Variants in NNT observed in about 807,000 individuals in gnomAD.
NNT encodes the protein nicotinamide nucleotide transhydrogenase.
NNT carries 50 observed loss-of-function variants against 104.8 expected under a neutral mutation model. The ratio of observed to expected loss-of-function variants is 0.48; its 90% confidence interval spans 0.38 to 0.60. The LOEUF (loss-of-function observed/expected upper bound fraction) is 0.60. Ranked by LOEUF, NNT falls within the 20% of genes least tolerant of loss-of-function variation. NNT has a pLI of 0.00. For missense variants in NNT, 1,131 were observed against 1,330.7 expected, an observed-to-expected ratio of 0.85 and a Z score of 2.33; for synonymous variants, 461 against 490.4, an observed-to-expected ratio of 0.94 and a Z score of 0.79.
chr5:43,699,971 ACTG>A, intron 19 of NNT, 145 bp from the exon 20 acceptor site: 1 of 532,608 alleles, frequency 1.9e-6, no homozygotes, highest in South Asian at 3.9e-5. Flanking sequence ...TATCTGGACT[ACTG>A]CTGTTTCATT....
At chr5:43,697,943 C>T (rs948887874) in intron 19 of NNT, among the ~76,000 whole-genome samples, 20 of 151,958 alleles carry the variant, frequency 1.3e-4, no homozygotes, top group East Asian at 7.7e-4. Flanking sequence ...GAGATTTGAG[C>T]GGGGACACAG....
At chr5:43,700,084 A>G in intron 19 of NNT, 35 bp from the exon 20 acceptor site, 1 of 1,546,478 alleles carries the variant, frequency 6.5e-7, no homozygotes, top group Non-Finnish European at 8.9e-7. Flanking sequence ...ATGTCCTGTC[A>G]AGTAAGGCCA....
chr5:43,665,850 G>A (rs1352759302), intron 17 of NNT, among the ~76,000 whole-genome samples: 1 of 150,972 alleles, frequency 6.6e-6, no homozygotes, highest in Non-Finnish European at 1.5e-5. Context: ...TGGCCGGGCA[G>A]GGGCTGCCCC....
At chr5:43,621,752 G>T (rs1750109362) in intron 5 of NNT, among the ~76,000 whole-genome samples, 1 of 152,176 alleles carries the variant, frequency 6.6e-6, no homozygotes, top group Non-Finnish European at 1.5e-5. Context: ...TGATGTGACA[G>T]TAATGGGCAC....
intron 17 of NNT, among the ~76,000 whole-genome samples, chr5:43,667,809 G>A (rs866921887): frequency 2.0e-5 from 3 of 150,468 alleles, no homozygotes; most frequent in African/African-American, 7.5e-5. Context: ...GGGTCAAATG[G>A]TATTTCTAGT....
intron 1 of NNT, among the ~76,000 whole-genome samples, chr5:43,607,381 G>C (rs1312879818): frequency 6.6e-6 from 1 of 152,142 alleles, no homozygotes; most frequent in Non-Finnish European, 1.5e-5. Flanking sequence ...AGTCTCAGGA[G>C]CTCCCCACTG....
At chr5:43,653,527 C>T (rs1481702816) in intron 14 of NNT, 22 of 175,466 alleles carry the variant, frequency 1.3e-4, no homozygotes, top group Admixed American at 4.5e-4. Context: ...AACTTTTGTT[C>T]TGCTGGGTAT....
At chr5:43,642,394 A>C (rs1310970029) in intron 7 of NNT, among the ~76,000 whole-genome samples, 1 of 152,164 alleles carries the variant, frequency 6.6e-6, no homozygotes, top group African/African-American at 2.4e-5. Flanking sequence ...CTCATGGTTG[A>C]GTAAAGTTTA....
At chr5:43,674,128 T>C (rs1741280331) in intron 17 of NNT, among the ~76,000 whole-genome samples, 1 of 152,138 alleles carries the variant, frequency 6.6e-6, no homozygotes, top group African/African-American at 2.4e-5. Flanking sequence ...CTTAGACAAA[T>C]TTGTCAGACT....
At chr5:43,691,202 C>T (rs1324125878) in intron 19 of NNT, among the ~76,000 whole-genome samples, 5 of 151,978 alleles carry the variant, frequency 3.3e-5, no homozygotes, top group Non-Finnish European at 5.9e-5. Context: ...TGGGTTCAAG[C>T]GATTCTCCCA....
chr5:43,638,903 G>C (rs1751078711), intron 7 of NNT, among the ~76,000 whole-genome samples: 1 of 151,854 alleles, frequency 6.6e-6, no homozygotes, highest in East Asian at 1.9e-4. Context: ...ATTAGAGTGT[G>C]AGGGCTTGGT....
rs188892668 is a variant in NNT, at chr5:43,668,397, G to A, written c.2635-7114G>A. Among the ~76,000 whole-genome samples the A allele has an allele frequency of 5.6e-3, 857 of 152,200 alleles. 6 individuals carry two copies. Among genetic ancestry groups the A allele is most frequent in the African/African-American group, 0.019 (778 of 41,522 alleles). ...GGTATTGCCTAGGTTTTCTTCTGGG[G>A]TTTTTATGATTTTAGGTCTAACATT... On this transcript the variant is annotated intron_variant, in intron 17 of 21. Coordinates refer to ENST00000344920, the MANE Select transcript of NNT (RefSeq NM_182977.3).
At chr5:43,648,834 T>A (rs1739594655) in intron 10 of NNT, among the ~76,000 whole-genome samples, 1 of 152,188 alleles carries the variant, frequency 6.6e-6, no homozygotes, top group South Asian at 2.1e-4. Flanking sequence ...GTGGCATTGT[T>A]AATAAAAGTT....
intron 19 of NNT, among the ~76,000 whole-genome samples, chr5:43,692,305 G>A (rs557911414): frequency 1.3e-5 from 2 of 152,148 alleles, no homozygotes; most frequent in East Asian, 3.9e-4. Flanking sequence ...TAACTCCCTA[G>A]ACTGAACATG....
intron 19 of NNT, 91 bp downstream of exon 19, chr5:43,677,897 G>A: frequency 9.7e-7 from 1 of 1,033,394 alleles, no homozygotes; most frequent in Non-Finnish European, 1.5e-6. Flanking sequence ...CAATGTAGGG[G>A]TTAGGGCACT....
intron 19 of NNT, among the ~76,000 whole-genome samples, chr5:43,691,328 T>A (rs886434934): frequency 2.0e-5 from 3 of 152,220 alleles, no homozygotes; most frequent in Non-Finnish European, 4.4e-5. Context: ...GGTCTTGAAC[T>A]CCTGACCTCA....
chr5:43,614,684 C>T lies in NNT; in HGVS notation c.382-1164C>T, dbSNP rs376446087. On this transcript the variant is annotated intron_variant, in intron 3 of 21. Transcript: ENST00000344920. ...CCAATGTTTGTGTTTGTATTTAAAACATAAGTCCCAGAGGCTGTGTTTTCT... is the reference window on the plus strand; with the variant it reads ...CCAATGTTTGTGTTTGTATTTAAAATATAAGTCCCAGAGGCTGTGTTTTCT... 6.6e-5 allele frequency among the ~76,000 whole-genome samples: 10 copies of T among 152,274 alleles called. No individual in the cohort carries two copies. In the East Asian group the frequency reaches 1.2e-3, roughly 18 times the overall value.
At chr5:43,607,955 G>A (rs1749312949) in intron 1 of NNT, among the ~76,000 whole-genome samples, 1 of 151,472 alleles carries the variant, frequency 6.6e-6, no homozygotes, top group African/African-American at 2.4e-5. Context: ...TTTTGAGACG[G>A]TGTCTCACTC....
chr5:43,631,344 C>T (rs908577657), intron 7 of NNT, among the ~76,000 whole-genome samples: 3 of 152,132 alleles, frequency 2.0e-5, no homozygotes, highest in African/African-American at 7.2e-5. Flanking sequence ...GTCAGGAGAG[C>T]ACTTCAGGAT....
Sources: gnomAD v4.1 joint callset for allele counts (sites outside exome capture counted in the v4.1 genomes callset) on GRCh38, gnomAD v4.1.1 for gene constraint, MANE v1.5 for transcripts, NCBI Gene and HGNC (gene_info 2026-07-23, HGNC 2026-07-21) for gene names.